Variants in DOCK9 observed in about 807,000 individuals in gnomAD.
DOCK9 encodes the protein dedicator of cytokinesis protein 9.
Under a neutral mutation model 263.3 loss-of-function variants are expected in DOCK9, and 89 were observed. The ratio of observed to expected loss-of-function variants is 0.34; its 90% CI spans 0.28 to 0.40. The LOEUF is 0.40. DOCK9 is among the 10% of genes least tolerant of loss of function. The pLI is 1.00. For synonymous variants in DOCK9, 976 were observed against 973.1 expected, an observed-to-expected ratio of 1.00 and a Z score of -0.06; for missense variants, 2,140 against 2,603.4, an observed-to-expected ratio of 0.82 and a Z score of 3.87.
intron 3 of DOCK9, among the ~76,000 whole-genome samples, chr13:98,926,887 C>G (rs1274961386): frequency 6.6e-6 from 1 of 152,216 alleles, no homozygotes; most frequent in Non-Finnish European, 1.5e-5. Context: ...TGAACAACGT[C>G]TCTATTCTGC....
At chr13:98,824,606 A>G in intron 44 of DOCK9, 102 bp from the exon 45 acceptor site, 1 of 1,086,920 alleles carries the variant, frequency 9.2e-7, no homozygotes, top group Non-Finnish European at 1.4e-6. Flanking sequence ...GAATGAAATA[A>G]CGGATTTTGA....
Position 98,824,500 on chromosome 13 carries a change from C to G in DOCK9, c.5028G>C (p.Val1676=), listed in dbSNP as rs1169630496. 1.2e-6 allele frequency: 2 copies of G among 1,613,482 alleles called. No individual in the cohort carries two copies. The highest frequency in any genetic ancestry group is 1.7e-6 in the Non-Finnish European group (2 of 1,179,640). The change falls in exon 45 of 53, where the codon GTG becomes GTC. Residue 1676 remains valine, a synonymous_variant. Coordinates refer to ENST00000682017, the MANE Select transcript of DOCK9 (RefSeq NM_001366683.2). ...LVAEYLTRKG[V]FRQGCTAFRV... ...TGAAGGCGGTGCATCCTTGTCTAAA[C>G]ACGCCTAGGAAGAGAGGAAGGAGGG...
intron 7 of DOCK9, among the ~76,000 whole-genome samples, chr13:98,919,525 C>G (rs1189456224): frequency 6.6e-6 from 1 of 152,254 alleles, no homozygotes; most frequent in Non-Finnish European, 1.5e-5. Flanking sequence ...CCCCACCAAA[C>G]AGTCTCCTTA....
intron 2 of DOCK9, among the ~76,000 whole-genome samples, chr13:98,943,917 G>A (rs1030453972): frequency 1.1e-4 from 16 of 152,052 alleles, no homozygotes; most frequent in Non-Finnish European, 2.1e-4. Context: ...TACCCCTGAC[G>A]GAAGATATCA....
chr13:98,884,164 G>A (rs1178855188), intron 21 of DOCK9, among the ~76,000 whole-genome samples: 1 of 152,208 alleles, frequency 6.6e-6, no homozygotes, highest in Non-Finnish European at 1.5e-5. Flanking sequence ...GTTCATTTGA[G>A]AGGGAAAGAA....
At chr13:98,918,454 TTA>T (rs1381076085) in intron 7 of DOCK9, among the ~76,000 whole-genome samples, 2 of 152,050 alleles carry the variant, frequency 1.3e-5, no homozygotes, top group Non-Finnish European at 2.9e-5. Flanking sequence ...TATTTTCTAT[TTA>T]TATGTTATAA....
rs141566725 is a variant in DOCK9, at chr13:98,932,118, C to T, written c.244-1861G>A. Reference sequence around the variant, plus strand: ...TATTAACAGATCATAGTCGACTGGGCGCGGTGACTGACGCCTGTAATCCCA... The same window carrying T: ...TATTAACAGATCATAGTCGACTGGGTGCGGTGACTGACGCCTGTAATCCCA... On this transcript the variant is annotated intron_variant, in intron 2 of 52. Coordinates refer to ENST00000682017, the MANE Select transcript of DOCK9 (RefSeq NM_001366683.2). Among the ~76,000 whole-genome samples, 463 of 151,928 alleles carry T rather than the reference C, an allele frequency of 3.0e-3. 1 individual carries two copies. The highest frequency in any genetic ancestry group is 0.01 in the African/African-American group (430 of 41,448).
At position 98,944,815 on chromosome 13, in the gene DOCK9, C is replaced by A. The variant is rs1309351562; in HGVS notation, c.243+10620G>T. Among the ~76,000 whole-genome samples, 13 of 152,262 alleles carry A rather than the reference C, an allele frequency of 8.5e-5. No individual in the cohort carries two copies. In the East Asian group the frequency reaches 2.5e-3, roughly 29 times the overall value. ...TCCTAGCCTATCAGGCCTCCACCTT[C>A]ATTTAGAAAGGCTGGCACAAATACA... On this transcript the variant is annotated intron_variant, in intron 2 of 52. Transcript: ENST00000682017.
chr13:98,975,831 TG>T (rs1455143906), intron 1 of DOCK9, among the ~76,000 whole-genome samples: 1 of 152,222 alleles, frequency 6.6e-6, no homozygotes, highest in Non-Finnish European at 1.5e-5. Flanking sequence ...TAGACAGTCT[TG>T]GGGATTCTTA....
At chr13:98,826,739 C>A (rs1203785036) in intron 44 of DOCK9, 91 bp downstream of exon 44, 2 of 1,029,846 alleles carry the variant, frequency 1.9e-6, no homozygotes, top group Admixed American at 4.7e-5. Flanking sequence ...AAATCCCCAC[C>A]TTCCAATCTT....
intron 1 of DOCK9, among the ~76,000 whole-genome samples, chr13:99,080,431 T>C (rs1201196238): frequency 1.3e-5 from 2 of 152,184 alleles, no homozygotes; most frequent in African/African-American, 2.4e-5. Flanking sequence ...TTTCCTGAAA[T>C]AGTTTCAAAA....
chr13:98,965,088 T>C (rs894320640), intron 1 of DOCK9, among the ~76,000 whole-genome samples: 1 of 152,166 alleles, frequency 6.6e-6, no homozygotes, highest in African/African-American at 2.4e-5. Context: ...AAGCCACCCC[T>C]GGACTATAGC....
intron 1 of DOCK9, among the ~76,000 whole-genome samples, chr13:99,011,177 G>C (rs944403466): frequency 6.6e-6 from 1 of 151,976 alleles, no homozygotes; most frequent in African/African-American, 2.4e-5. Context: ...GACTACAGGC[G>C]TGTGCCACCA....
At chr13:99,043,796 C>G (rs1021047995) in intron 1 of DOCK9, among the ~76,000 whole-genome samples, 1 of 152,100 alleles carries the variant, frequency 6.6e-6, no homozygotes, top group Non-Finnish European at 1.5e-5. Context: ...AGCCTGCCCC[C>G]TCCTTGAGGC....
chr13:98,929,160 C>A (rs183850305), intron 3 of DOCK9, among the ~76,000 whole-genome samples: 1 of 152,090 alleles, frequency 6.6e-6, no homozygotes, highest in African/African-American at 2.4e-5. Flanking sequence ...ATTAAAACAT[C>A]TAATTATTCC....
intron 1 of DOCK9, among the ~76,000 whole-genome samples, chr13:99,018,246 C>G (rs1390699504): frequency 6.6e-6 from 1 of 152,202 alleles, no homozygotes; most frequent in African/African-American, 2.4e-5. Flanking sequence ...CAGAGCCTCA[C>G]TGATTAATGG....
At chr13:98,848,409 C>T (rs2093455959) in intron 37 of DOCK9, among the ~76,000 whole-genome samples, 183 bp downstream of exon 37, 2 of 152,126 alleles carry the variant, frequency 1.3e-5, no homozygotes, top group East Asian at 1.9e-4. Flanking sequence ...GAGACTTCGC[C>T]GGTAGGAATG....
chr13:98,883,852 C>CA lies in DOCK9; in HGVS notation c.2429dup (p.Lys811GlufsTer19). ...TAGAAACCAGATGAGTGGAAATTTT[C>CA]AGCAGTGGCTTGCCTCCATCTACCC... On this transcript the variant is annotated frameshift_variant, in exon 22 of 53. Transcript: ENST00000682017. LOFTEE classifies it high-confidence loss of function. 6.2e-7 allele frequency: 1 copy of CA among 1,612,594 alleles called. No homozygotes were observed. Among genetic ancestry groups the CA allele is most frequent in the Non-Finnish European group, 8.5e-7 (1 of 1,179,476 alleles).
chr13:98,984,093 A>G (rs1204827377), intron 1 of DOCK9, among the ~76,000 whole-genome samples: 1 of 152,206 alleles, frequency 6.6e-6, no homozygotes, highest in Non-Finnish European at 1.5e-5. Context: ...TTCCTAAAGA[A>G]AGGCCAAGGG....
Sources: allele counts gnomAD v4.1 joint callset (sites outside exome capture counted in the v4.1 genomes callset), GRCh38; gene constraint gnomAD v4.1.1; transcripts MANE v1.5; gene names NCBI Gene and HGNC (gene_info 2026-07-23, HGNC 2026-07-21).